Variants in BTG4 observed in about 807,000 individuals in gnomAD.
The protein encoded by BTG4 is BTG anti-proliferation factor 4.
Under a neutral mutation model 19.3 loss-of-function variants are expected in BTG4, and 10 were observed. That is an observed-to-expected ratio of 0.52 (90% CI 0.32 to 0.88). BTG4 has a LOEUF of 0.88. Ranked by LOEUF, BTG4 falls within the 40% of genes least tolerant of loss-of-function variation. The pLI, the probability that BTG4 is intolerant of heterozygous loss-of-function variation, is 0.04. For missense variants in BTG4, 238 were observed against 281.9 expected, an observed-to-expected ratio of 0.84 and a Z score of 1.11; for synonymous variants, 91 against 95.7, an observed-to-expected ratio of 0.95 and a Z score of 0.29.
the BTG4 span, among the ~76,000 whole-genome samples, chr11:111,459,469 T>C: frequency 1.3e-5 from 2 of 152,232 alleles, no homozygotes; most frequent in East Asian, 1.9e-4. Context: ...CCTTTCTGAA[T>C]TCAGAATGCT....
chr11:111,455,202 G>C, the BTG4 span: 1 of 388,914 alleles, frequency 2.6e-6, no homozygotes, highest in Non-Finnish European at 5.2e-6. Context: ...CCATCTCCCT[G>C]GCCCTAAAGC....
At chr11:111,510,172 A>G (rs1216773245) in intron 1 of BTG4, among the ~76,000 whole-genome samples, 1 of 151,846 alleles carries the variant, frequency 6.6e-6, no homozygotes, top group Non-Finnish European at 1.5e-5. Context: ...GACCTCCCAA[A>G]GTGCTGGGAT....
At chr11:111,438,116 AAGGGGGCTGCCAGGGC>A in the BTG4 span, among the ~76,000 whole-genome samples, 2 of 152,212 alleles carry the variant, frequency 1.3e-5, no homozygotes, top group Non-Finnish European at 2.9e-5. Context: ...GGAAGAGGGG[AAGGGGGCTGCCAGGGC>A]AGCCACAGAG....
At chr11:111,392,651 A>G in the BTG4 span, among the ~76,000 whole-genome samples, 1 of 152,170 alleles carries the variant, frequency 6.6e-6, no homozygotes, top group African/African-American at 2.4e-5. Context: ...GTTCTCTTCT[A>G]TAACACCTAG....
At chr11:111,478,974 T>G (rs74656982) in intron 5 of BTG4, among the ~76,000 whole-genome samples, 1 of 146,952 alleles carries the variant, frequency 6.8e-6, no homozygotes, top group Non-Finnish European at 1.5e-5. Flanking sequence ...CTGAAAACTT[T>G]CCAAATTTGG....
the BTG4 span, among the ~76,000 whole-genome samples, chr11:111,391,095 G>C: frequency 3.9e-5 from 6 of 152,172 alleles, no homozygotes; most frequent in Non-Finnish European, 2.9e-5. Flanking sequence ...TTGATTAATT[G>C]ATAACAGTTC....
chr11:111,418,995 C>T, the BTG4 span, among the ~76,000 whole-genome samples: 1 of 152,320 alleles, frequency 6.6e-6, no homozygotes, highest in South Asian at 2.1e-4. Flanking sequence ...TTCCAGATGG[C>T]CGCCTTCTCT....
intron 2 of BTG4, 86 bp downstream of exon 2, chr11:111,498,518 A>G: frequency 8.1e-7 from 1 of 1,238,380 alleles, no homozygotes; most frequent in South Asian, 1.3e-5. Flanking sequence ...ACTTATATGC[A>G]GAAAACAAGA....
At chr11:111,494,215 G>C (rs961306374), downstream of BTG4, among the ~76,000 whole-genome samples, 4 of 152,318 alleles carry the variant, frequency 2.6e-5, no homozygotes, top group Admixed American at 6.5e-5. Context: ...GAGAGCACAG[G>C]AGGGTGGAGT....
At chr11:111,443,654 A>AG in the BTG4 span, among the ~76,000 whole-genome samples, 1 of 152,238 alleles carries the variant, frequency 6.6e-6, no homozygotes, top group African/African-American at 2.4e-5. Context: ...CCCACCTGTC[A>AG]GACCAGTGGA....
chr11:111,437,724 C>T, the BTG4 span, among the ~76,000 whole-genome samples: 1 of 152,156 alleles, frequency 6.6e-6, no homozygotes, highest in Non-Finnish European at 1.5e-5. Flanking sequence ...GGAGCAGGCT[C>T]TTCCCTCCAC....
At chr11:111,460,337 G>A in the BTG4 span, 3 of 152,750 alleles carry the variant, frequency 2.0e-5, no homozygotes, top group Non-Finnish European at 4.4e-5. Flanking sequence ...GGTGCTGGAG[G>A]CTTTACCTCG....
the BTG4 span, among the ~76,000 whole-genome samples, chr11:111,393,258 T>G: frequency 6.6e-6 from 1 of 152,194 alleles, no homozygotes; most frequent in Non-Finnish European, 1.5e-5. Flanking sequence ...ATGAGTCACT[T>G]TATCTAATCT....
the BTG4 span, among the ~76,000 whole-genome samples, chr11:111,394,217 G>A: frequency 3.2e-3 from 485 of 152,294 alleles, 4 homozygotes; most frequent in African/African-American, 0.011. Context: ...CTGAACTTGC[G>A]GTAGCCAGCC....
chr11:111,429,143 T>C, the BTG4 span, among the ~76,000 whole-genome samples: 5 of 152,184 alleles, frequency 3.3e-5, no homozygotes, highest in Non-Finnish European at 7.3e-5. Context: ...CCATCACCAC[T>C]ATCTAATTCC....
At chr11:111,483,143 A>G (rs1241892895) in intron 5 of BTG4, among the ~76,000 whole-genome samples, 2 of 152,170 alleles carry the variant, frequency 1.3e-5, no homozygotes, top group African/African-American at 4.8e-5. Flanking sequence ...AGCCAGCAGA[A>G]ATTGCAGCAT....
At chr11:111,388,849 T>A in the BTG4 span, among the ~76,000 whole-genome samples, 10 of 152,236 alleles carry the variant, frequency 6.6e-5, no homozygotes, top group Admixed American at 5.9e-4. Flanking sequence ...CTCAAAGGAG[T>A]AAAGTGAAAG....
At chr11:111,414,015 TC>T in the BTG4 span, among the ~76,000 whole-genome samples, 1 of 152,200 alleles carries the variant, frequency 6.6e-6, no homozygotes, top group Admixed American at 6.5e-5. Context: ...TTCTGACTGT[TC>T]CGTTCATTCA....
chr11:111,389,796 C>G, the BTG4 span, among the ~76,000 whole-genome samples: 10 of 152,116 alleles, frequency 6.6e-5, no homozygotes, highest in African/African-American at 2.4e-4. Context: ...TTTAAAAAAA[C>G]TCTCTTAATT....
Sources: gnomAD v4.1 joint callset for allele counts (sites outside exome capture counted in the v4.1 genomes callset) on GRCh38, gnomAD v4.1.1 for gene constraint, MANE v1.5 for transcripts, NCBI Gene and HGNC (gene_info 2026-07-23, HGNC 2026-07-21) for gene names.